TNRC6A: variants seen among roughly 807,000 people sequenced by gnomAD.
The protein encoded by TNRC6A is trinucleotide repeat containing adaptor 6A.
TNRC6A carries 44 observed loss-of-function variants against 221.2 expected under a neutral mutation model. The observed-to-expected ratio is 0.20, with a 90% CI of 0.16 to 0.26. The LOEUF (loss-of-function observed/expected upper bound fraction) is 0.26, where lower values mean the gene tolerates loss of function less well. Ranked by LOEUF, TNRC6A falls within the 10% of genes least tolerant of loss-of-function variation. The pLI is 1.00. For synonymous variants in TNRC6A, 847 were observed against 838.5 expected (o/e 1.01, Z -0.18); for missense variants, 2,199 against 2,404.4 (o/e 0.91, Z 1.79).
intron 11 of TNRC6A, among the ~76,000 whole-genome samples, chr16:24,802,887 T>G (rs75938640): frequency 8.5e-4 from 130 of 152,130 alleles, no homozygotes; most frequent in African/African-American, 2.9e-3. Flanking sequence ...TTTAAAAGAT[T>G]TGTTGAAATA....
At chr16:24,625,678 A>G (rs1167857904) in intron 1 of TNRC6A, among the ~76,000 whole-genome samples, 1 of 140,744 alleles carries the variant, frequency 7.1e-6, no homozygotes, top group Non-Finnish European at 1.5e-5. Context: ...GTGAGCCGAG[A>G]TTGCGCCACT....
At chr16:24,670,725 G>C (rs2055279259) in intron 2 of TNRC6A, among the ~76,000 whole-genome samples, 1 of 152,074 alleles carries the variant, frequency 6.6e-6, no homozygotes, top group Non-Finnish European at 1.5e-5. Context: ...AAGCTTGACC[G>C]AGCTTCTCTA....
At chr16:24,720,522 C>G (rs1284947279) in intron 2 of TNRC6A, among the ~76,000 whole-genome samples, 1 of 147,528 alleles carries the variant, frequency 6.8e-6, no homozygotes, top group East Asian at 2.0e-4. Context: ...AACCCCGTCT[C>G]TACTAAAAAT....
chr16:24,778,084 C>T (rs1001476624), intron 5 of TNRC6A, among the ~76,000 whole-genome samples: 1 of 152,068 alleles, frequency 6.6e-6, no homozygotes, highest in Non-Finnish European at 1.5e-5. Flanking sequence ...AATGAAGGTG[C>T]CCATACAAGA....
At chr16:24,783,853 T>C (rs906381192) in intron 5 of TNRC6A, among the ~76,000 whole-genome samples, 7 of 152,232 alleles carry the variant, frequency 4.6e-5, no homozygotes, top group Non-Finnish European at 1.0e-4. Flanking sequence ...TTGTGTGTCT[T>C]TAAGTGAAAT....
intron 1 of TNRC6A, among the ~76,000 whole-genome samples, chr16:24,625,634 G>T (rs1254194164): frequency 1.3e-5 from 2 of 151,488 alleles, no homozygotes; most frequent in East Asian, 3.9e-4. Context: ...GCTGAGGCAG[G>T]AGAATGGCGT....
At chr16:24,637,312 C>G (rs898111903) in intron 1 of TNRC6A, among the ~76,000 whole-genome samples, 1 of 152,138 alleles carries the variant, frequency 6.6e-6, no homozygotes, top group Non-Finnish European at 1.5e-5. Flanking sequence ...GGATTACAAG[C>G]GTGAGCCATC....
intron 2 of TNRC6A, among the ~76,000 whole-genome samples, chr16:24,707,350 G>GCA (rs34395729): frequency 0.15 from 22,408 of 149,460 alleles, 1,940 homozygotes; most frequent in South Asian, 0.24. Flanking sequence ...GAACATGGGC[G>GCA]CACACACACA....
intron 8 of TNRC6A, 22 bp downstream of exon 8, chr16:24,794,741 C>A: frequency 6.4e-7 from 1 of 1,574,118 alleles, no homozygotes; most frequent in Non-Finnish European, 8.6e-7. Flanking sequence ...AAGGGCAAAG[C>A]CCTTGAAACT....
chr16:24,696,731 A>AG lies in TNRC6A; in HGVS notation n.403-53995_403-53994insG, dbSNP rs796521874. ...GCAACAGAGCGAGACCCTGTCTCAA[A>AG]AAAAAAAAAAAAAAGAAAGGAAAGG... On this transcript the variant is annotated intron_variant and non_coding_transcript_variant, in intron 2 of 2. Transcript: ENST00000566108. Among the ~76,000 whole-genome samples, 685 of 144,564 alleles carry AG rather than the reference A, an allele frequency of 4.7e-3. 13 individuals carry two copies. Among genetic ancestry groups the AG allele is most frequent in the African/African-American group, 0.017 (658 of 38,908 alleles). 94.8% of individuals were successfully genotyped at this position (144,564 alleles called of 152,430 possible).
intron 2 of TNRC6A, among the ~76,000 whole-genome samples, chr16:24,653,538 G>A (rs1451518167): frequency 1.3e-5 from 2 of 152,158 alleles, no homozygotes; most frequent in Admixed American, 1.3e-4. Flanking sequence ...CACTTTGGGA[G>A]GCTGAGGCGG....
At chr16:24,762,904 A>C (rs2057393373) in intron 4 of TNRC6A, among the ~76,000 whole-genome samples, 1 of 152,218 alleles carries the variant, frequency 6.6e-6, no homozygotes, top group South Asian at 2.1e-4. Flanking sequence ...AATAAACTAA[A>C]ACAACTCATC....
chr16:24,746,914 G>GAGAA (rs2057023446), intron 2 of TNRC6A, among the ~76,000 whole-genome samples: 1 of 152,120 alleles, frequency 6.6e-6, no homozygotes, highest in Non-Finnish European at 1.5e-5. Flanking sequence ...TCACTATGTT[G>GAGAA]CCCATTCTGT....
intron 2 of TNRC6A, among the ~76,000 whole-genome samples, chr16:24,707,030 C>G (rs1432215718): frequency 6.7e-6 from 1 of 149,880 alleles, no homozygotes; most frequent in Non-Finnish European, 1.5e-5. Context: ...CAGGGTTACT[C>G]TGTCACCCAG....
intron 4 of TNRC6A, among the ~76,000 whole-genome samples, chr16:24,759,714 A>G (rs2057323721): frequency 1.3e-5 from 2 of 152,134 alleles, no homozygotes; most frequent in Admixed American, 1.3e-4. Context: ...TAGAAGCAAG[A>G]TTAGAGAGGG....
At chr16:24,699,369 C>T (rs6497753) in intron 2 of TNRC6A, among the ~76,000 whole-genome samples, 114,284 of 152,000 alleles carry the variant, frequency 0.75, 43,283 homozygotes, top group South Asian at 0.84. Flanking sequence ...AGAAAAGAGC[C>T]AGATGAGACC....
In TNRC6A at chr16:24,824,026, G is replaced by A. The variant is rs2058823104; in HGVS notation, c.*219G>A. 1 of 364,302 alleles carries A rather than the reference G, an allele frequency of 2.7e-6. No homozygotes were observed. Among genetic ancestry groups the A allele is most frequent in the Admixed American group, 4.7e-5 (1 of 21,238 alleles). 22.6% of individuals were successfully genotyped at this position (364,302 alleles called of 1,614,324 possible). ...TCTACTCTATTTACACTCCCAAATAGCGCCATACATGCTAAACCGTAGAGA... is the reference window on the plus strand; with the variant it reads ...TCTACTCTATTTACACTCCCAAATAACGCCATACATGCTAAACCGTAGAGA... On this transcript the variant is annotated 3_prime_UTR_variant, in exon 25 of 25. Transcript: ENST00000395799.
chr16:24,782,697 G>T (rs1205984557), intron 5 of TNRC6A, among the ~76,000 whole-genome samples: 1 of 151,996 alleles, frequency 6.6e-6, no homozygotes, highest in Non-Finnish European at 1.5e-5. Flanking sequence ...CTAACAGGGT[G>T]AAACCCCCTC....
chr16:24,732,457 A>G (rs1422123989), intron 2 of TNRC6A, among the ~76,000 whole-genome samples: 1 of 152,198 alleles, frequency 6.6e-6, no homozygotes, highest in Non-Finnish European at 1.5e-5. Flanking sequence ...AAGATTTTAC[A>G]TGGACTCATC....
Sources: allele counts gnomAD v4.1 joint callset (sites outside exome capture counted in the v4.1 genomes callset), GRCh38; gene constraint gnomAD v4.1.1; transcripts MANE v1.5; gene names NCBI Gene and HGNC (gene_info 2026-07-23, HGNC 2026-07-21).